HNF4G: variants seen among roughly 807,000 people sequenced by gnomAD.
HNF4G encodes the protein hepatocyte nuclear factor 4 gamma.
A neutral mutation model predicts 50.9 loss-of-function variants in HNF4G; 21 were observed. The ratio of observed to expected loss-of-function variants is 0.41; its 90% CI spans 0.29 to 0.59. The LOEUF (loss-of-function observed/expected upper bound fraction) is 0.59. Among genes scored for constraint, HNF4G ranks in the 20% least tolerant of loss-of-function variants. The probability of loss-of-function intolerance (pLI) is 0.26; values close to 1 mark genes in which losing one functional copy is unlikely to be tolerated. For synonymous variants in HNF4G, 198 were observed against 185.6 expected, an observed-to-expected ratio of 1.07 and a Z score of -0.54; for missense variants, 527 against 559.4, an observed-to-expected ratio of 0.94 and a Z score of 0.58.
At chr8:75,542,097 TTAAGAC>T (rs1169339768) in intron 1 of HNF4G, among the ~76,000 whole-genome samples, 1 of 151,930 alleles carries the variant, frequency 6.6e-6, no homozygotes, top group African/African-American at 2.4e-5. Flanking sequence ...GCCCAAGAGT[TTAAGAC>T]CAACCTGGGC....
At chr8:75,518,653 G>T (rs966878572) in intron 2 of HNF4G, among the ~76,000 whole-genome samples, 6 of 152,122 alleles carry the variant, frequency 3.9e-5, no homozygotes, top group Admixed American at 2.6e-4. Flanking sequence ...TGAGCTCTAT[G>T]TTGGCCACAT....
intron 1 of HNF4G, among the ~76,000 whole-genome samples, chr8:75,420,892 T>C (rs1486434885): frequency 6.6e-6 from 1 of 152,148 alleles, no homozygotes; most frequent in Non-Finnish European, 1.5e-5. Context: ...AAAATGTAAA[T>C]TACATGACGT....
chr8:75,469,694 GTTTA>G (rs910250825), intron 1 of HNF4G, among the ~76,000 whole-genome samples: 22 of 152,108 alleles, frequency 1.4e-4, no homozygotes, highest in African/African-American at 5.1e-4. Context: ...TTAATTCTTT[GTTTA>G]TCTTAAGCCT....
chr8:75,499,667 A>G (rs948089976), intron 2 of HNF4G, among the ~76,000 whole-genome samples: 1 of 152,070 alleles, frequency 6.6e-6, no homozygotes, highest in African/African-American at 2.4e-5. Context: ...AAAGCTGTAC[A>G]GTACTAACAT....
Position 75,456,125 on chromosome 8 carries a change from C to T in HNF4G, c.-143-33964C>T, listed in dbSNP as rs189256060. Among the ~76,000 whole-genome samples the T allele has an allele frequency of 3.0e-3, 456 of 152,076 alleles. 2 individuals carry two copies. The highest frequency in any genetic ancestry group is 5.1e-3 in the Non-Finnish European group (350 of 67,970). Reference sequence around the variant, plus strand: ...AGTACACAGAATTTTATAAACCTGTCCAGAGCTTCATATATATCCAGTAAG... The same window carrying T: ...AGTACACAGAATTTTATAAACCTGTTCAGAGCTTCATATATATCCAGTAAG... On this transcript the variant is annotated intron_variant, in intron 1 of 10. Coordinates refer to the HNF4G transcript ENST00000354370.
intron 1 of HNF4G, among the ~76,000 whole-genome samples, chr8:75,452,813 C>T (rs1291600806): frequency 6.6e-6 from 1 of 152,132 alleles, no homozygotes; most frequent in Non-Finnish European, 1.5e-5. Flanking sequence ...AAAGCCTATG[C>T]TCTTCACTAT....
At chr8:75,558,249 C>A (rs1237315470) in intron 6 of HNF4G, among the ~76,000 whole-genome samples, 2 of 152,144 alleles carry the variant, frequency 1.3e-5, no homozygotes, top group African/African-American at 4.8e-5. Flanking sequence ...TGTCAAATAT[C>A]AGCATGTTAT....
intron 1 of HNF4G, among the ~76,000 whole-genome samples, chr8:75,426,751 T>G (rs1810898690): frequency 6.6e-6 from 1 of 152,148 alleles, no homozygotes; most frequent in African/African-American, 2.4e-5. Context: ...TAAAAGGTTG[T>G]TTAGTGAAAA....
At chr8:75,424,998 A>G (rs1163820984) in intron 1 of HNF4G, among the ~76,000 whole-genome samples, 1 of 152,116 alleles carries the variant, frequency 6.6e-6, no homozygotes, top group Non-Finnish European at 1.5e-5. Flanking sequence ...GAACTAATTT[A>G]CATTCCCACC....
chr8:75,519,392 C>T (rs1805977146), intron 2 of HNF4G, among the ~76,000 whole-genome samples: 1 of 152,168 alleles, frequency 6.6e-6, no homozygotes, highest in Admixed American at 6.5e-5. Context: ...CAAGTCAGTT[C>T]TACATTTCAG....
At chr8:75,533,253 T>C (rs1046528222) in intron 2 of HNF4G, among the ~76,000 whole-genome samples, 3 of 152,056 alleles carry the variant, frequency 2.0e-5, no homozygotes, top group Non-Finnish European at 4.4e-5. Flanking sequence ...GGTCTTTGCC[T>C]TCATAGAACT....
chr8:75,424,255 A>G (rs746258279), intron 1 of HNF4G, among the ~76,000 whole-genome samples: 1 of 152,168 alleles, frequency 6.6e-6, no homozygotes, highest in African/African-American at 2.4e-5. Context: ...ATTTAGCATT[A>G]TCTTCTTAAT....
At chr8:75,506,005 A>T (rs1464335385) in intron 2 of HNF4G, among the ~76,000 whole-genome samples, 4 of 152,016 alleles carry the variant, frequency 2.6e-5, no homozygotes, top group African/African-American at 9.7e-5. Flanking sequence ...ATTGGTTAGT[A>T]TAGAGGGTTA....
At chr8:75,460,309 G>A (rs1486578024) in intron 1 of HNF4G, among the ~76,000 whole-genome samples, 1 of 152,106 alleles carries the variant, frequency 6.6e-6, no homozygotes, top group African/African-American at 2.4e-5. Flanking sequence ...TAAATACTTA[G>A]TGCTTTTAAT....
intron 2 of HNF4G, among the ~76,000 whole-genome samples, chr8:75,531,177 T>C (rs2130766384): frequency 6.6e-6 from 1 of 152,096 alleles, no homozygotes; most frequent in East Asian, 1.9e-4. Flanking sequence ...AACATTTGAA[T>C]AATGAAAAAT....
chr8:75,539,905 A>G lies in HNF4G; in HGVS notation c.-58A>G. 1.3e-6 allele frequency: 1 copy of G among 794,978 alleles called. No homozygotes were observed. Among genetic ancestry groups the G allele is most frequent in the South Asian group, 1.5e-5 (1 of 67,862 alleles). The allele number at this position is 794,978 out of a possible 1,614,324, so 49.2% of individuals were successfully genotyped here. A position where few individuals can be genotyped will look rare whatever the true frequency, so the allele number is the denominator to read the frequency against. On this transcript the variant is annotated 5_prime_UTR_variant, in exon 1 of 10. Coordinates refer to ENST00000396423, the MANE Select transcript of HNF4G (RefSeq NM_004133.5). Reference sequence around the variant, plus strand: ...CACAGATTGAAAGCAAAACACATCAAAACACTCATCACGCACTCTGGGCTT... The same window carrying G: ...CACAGATTGAAAGCAAAACACATCAGAACACTCATCACGCACTCTGGGCTT...
At chr8:75,526,705 A>AT (rs1225334277) in intron 2 of HNF4G, among the ~76,000 whole-genome samples, 2,397 of 140,570 alleles carry the variant, frequency 0.017, 34 homozygotes, top group African/African-American at 0.038. Flanking sequence ...ACTAATTAAA[A>AT]TTTTTTTTTT....
chr8:75,469,067 G>A (rs2130627418), intron 1 of HNF4G, among the ~76,000 whole-genome samples: 1 of 152,254 alleles, frequency 6.6e-6, no homozygotes, highest in South Asian at 2.1e-4. Context: ...TCTAGGCTAG[G>A]CTTTTCTGAA....
intron 2 of HNF4G, among the ~76,000 whole-genome samples, chr8:75,505,002 A>G (rs569099997): frequency 9.2e-5 from 14 of 152,266 alleles, no homozygotes; most frequent in African/African-American, 3.1e-4. Context: ...TGATTATAGA[A>G]ACTTCTACCA....
Sources: allele counts gnomAD v4.1 joint callset (sites outside exome capture counted in the v4.1 genomes callset), GRCh38; gene constraint gnomAD v4.1.1; transcripts MANE v1.5; gene names NCBI Gene and HGNC (gene_info 2026-07-23, HGNC 2026-07-21).